TAF2: variants seen among roughly 807,000 people sequenced by gnomAD.
TAF2 encodes TATA-box binding protein associated factor 2.
A neutral mutation model predicts 138.5 loss-of-function variants in TAF2; 61 were observed. That is an observed-to-expected ratio of 0.44 (90% confidence interval 0.36 to 0.54). TAF2 has a LOEUF of 0.54. Among genes scored for constraint, TAF2 ranks in the 20% least tolerant of loss-of-function variants. TAF2 has a pLI of 0.00. For synonymous variants in TAF2, 475 were observed against 469.9 expected, an observed-to-expected ratio of 1.01 and a Z score of -0.14; for missense variants, 1,090 against 1,427.9, an observed-to-expected ratio of 0.76 and a Z score of 3.81.
chr8:119,809,731 C>T (rs538188809), intron 3 of TAF2, among the ~76,000 whole-genome samples: 14 of 152,234 alleles, frequency 9.2e-5, no homozygotes, highest in African/African-American at 2.9e-4. Flanking sequence ...ACAGCTGGTC[C>T]ACAGAGTAGT....
intron 18 of TAF2, among the ~76,000 whole-genome samples, chr8:119,766,417 C>T (rs567115730): frequency 6.6e-6 from 1 of 152,200 alleles, no homozygotes; most frequent in South Asian, 2.1e-4. Flanking sequence ...ATTGAGAAAA[C>T]CTGTTATACA....
chr8:119,809,521 A>C (rs1432160208), intron 3 of TAF2, among the ~76,000 whole-genome samples: 2 of 152,198 alleles, frequency 1.3e-5, no homozygotes, highest in Non-Finnish European at 2.9e-5. Flanking sequence ...AACTTAGCTA[A>C]CTGGGGCCAA....
intron 20 of TAF2, among the ~76,000 whole-genome samples, chr8:119,758,345 G>C (rs1820839220): frequency 6.6e-6 from 1 of 152,040 alleles, no homozygotes; most frequent in African/African-American, 2.4e-5. Flanking sequence ...CTATATATTA[G>C]AGCCAAGACA....
chr8:119,826,664 C>T (rs1011702124), intron 2 of TAF2, among the ~76,000 whole-genome samples: 4 of 151,574 alleles, frequency 2.6e-5, no homozygotes, highest in African/African-American at 9.7e-5. Flanking sequence ...GATTTCGGCT[C>T]GCTGGAACCT....
Position 119,745,257 on chromosome 8 carries a change from C to T in TAF2, c.3109-864G>A, listed in dbSNP as rs77492175. On this transcript the variant is annotated intron_variant, in intron 23 of 25. Coordinates refer to ENST00000378164, the MANE Select transcript of TAF2 (RefSeq NM_003184.4). Reference sequence around the variant, plus strand: ...AACTTTTAGAGGTTTCCCAAAAGAACATGTCCTTTGATGCCATTTTCTCCT... The same window carrying T: ...AACTTTTAGAGGTTTCCCAAAAGAATATGTCCTTTGATGCCATTTTCTCCT... Among the ~76,000 whole-genome samples, 358 of 152,226 alleles carry T rather than the reference C, an allele frequency of 2.4e-3. 1 individual carries two copies. The highest frequency in any genetic ancestry group is 0.014 in the Middle Eastern group (4 of 294).
In TAF2 at chr8:119,730,941, A is replaced by G. The variant is rs1044414372; in HGVS notation, c.*983T>C. ...AAATATTAAAGCACATGGAAAATTC[A>G]GAAATAAAAACACACCACCATATAA... is the stretch of plus-strand genomic sequence containing the variant. On this transcript the variant is annotated 3_prime_UTR_variant, in exon 26 of 26. Coordinates refer to ENST00000378164, the MANE Select transcript of TAF2 (RefSeq NM_003184.4). 1 of 152,222 alleles carries G rather than the reference A, an allele frequency of 6.6e-6. No homozygotes were observed. The highest frequency in any genetic ancestry group is 1.5e-5 in the Non-Finnish European group (1 of 68,030). 9.4% of individuals were successfully genotyped at this position (152,222 alleles called of 1,614,324 possible).
chr8:119,757,313 TA>T (rs1201409932), intron 21 of TAF2, among the ~76,000 whole-genome samples: 2 of 152,182 alleles, frequency 1.3e-5, no homozygotes, highest in Admixed American at 1.3e-4. Flanking sequence ...AGATATGTAA[TA>T]TAAATGGGGA....
chr8:119,760,543 T>TA, intron 20 of TAF2, 56 bp downstream of exon 20: 1 of 1,598,812 alleles, frequency 6.3e-7, no homozygotes, highest in Non-Finnish European at 8.5e-7. Context: ...ACACTGGCTT[T>TA]AAAAAGTAAA....
intron 25 of TAF2, among the ~76,000 whole-genome samples, chr8:119,740,662 C>CAAAAA (rs773347068): frequency 1.1e-3 from 54 of 49,994 alleles, no homozygotes; most frequent in East Asian, 2.1e-3. Flanking sequence ...GAGACTGTCT[C>CAAAAA]AAAAAAAAAA....
At chr8:119,821,320 A>G (rs1361006692) in intron 2 of TAF2, among the ~76,000 whole-genome samples, 2 of 152,072 alleles carry the variant, frequency 1.3e-5, no homozygotes, top group South Asian at 2.1e-4. Flanking sequence ...CTCTCTCCCC[A>G]CCACTTCACA....
At position 119,767,956 on chromosome 8, in the gene TAF2, GA is replaced by G. The variant is rs926224750; in HGVS notation, c.2365-5349del. On this transcript the variant is annotated intron_variant, in intron 18 of 25. Coordinates refer to ENST00000378164, the MANE Select transcript of TAF2 (RefSeq NM_003184.4). Reference sequence around the variant, plus strand: ...CACTGCCACCTCGAGGCCAGGGAGAGAGGGGGAGGCTGAGCACGTTTGCATG... The same window carrying G: ...CACTGCCACCTCGAGGCCAGGGAGAGGGGGGAGGCTGAGCACGTTTGCATG... Among the ~76,000 whole-genome samples, 2 of 152,166 alleles carry G rather than the reference GA, an allele frequency of 1.3e-5. 1 individual carries two copies. Among genetic ancestry groups the G allele is most frequent in the Non-Finnish European group, 2.9e-5 (2 of 68,030 alleles).
At chr8:119,758,416 AAAGC>A (rs1820844511) in intron 20 of TAF2, among the ~76,000 whole-genome samples, 1 of 152,188 alleles carries the variant, frequency 6.6e-6, no homozygotes, top group Admixed American at 6.5e-5. Context: ...AGCATAACAT[AAAGC>A]AAGTTGTAAT....
At chr8:119,784,727 T>C (rs547849759) in intron 15 of TAF2, among the ~76,000 whole-genome samples, 47 of 152,280 alleles carry the variant, frequency 3.1e-4, no homozygotes, top group Admixed American at 9.2e-4. Flanking sequence ...TTTTAAATTG[T>C]TTTGCAAGCA....
intron 25 of TAF2, among the ~76,000 whole-genome samples, chr8:119,736,979 G>GT (rs369247889): frequency 9.9e-5 from 15 of 152,180 alleles, no homozygotes; most frequent in African/African-American, 3.1e-4. Context: ...AAGAAAAGAG[G>GT]TATGAGTTGG....
At chr8:119,831,762 G>GA in intron 1 of TAF2, 31 bp from the exon 2 acceptor site, 1 of 1,394,616 alleles carries the variant, frequency 7.2e-7, no homozygotes, top group Non-Finnish European at 9.8e-7. Context: ...AGAAAATAAG[G>GA]AAAAAATAAT....
At chr8:119,823,969 G>A (rs1825943984) in intron 2 of TAF2, among the ~76,000 whole-genome samples, 3 of 152,190 alleles carry the variant, frequency 2.0e-5, no homozygotes, top group Admixed American at 1.3e-4. Flanking sequence ...CTGCCCTAGA[G>A]ATTTGTGGAA....
intron 2 of TAF2, among the ~76,000 whole-genome samples, chr8:119,820,282 G>A (rs980035088): frequency 6.6e-6 from 1 of 152,050 alleles, no homozygotes; most frequent in Admixed American, 6.6e-5. Flanking sequence ...TAAAACAAGG[G>A]ACAGCATGAA....
rs760901553 is a variant in TAF2 at position 119,832,584 on chromosome 8, T to G, written c.-20A>C. On this transcript the variant is annotated 5_prime_UTR_variant, in exon 1 of 26. Coordinates refer to ENST00000378164, the MANE Select transcript of TAF2 (RefSeq NM_003184.4). ...CGGCATGAAGCGGTCCCGCGGAGCT[T>G]GGCTTCCCGGCTTCCTAGGGGGATA... The G allele has an allele frequency of 6.2e-7, 1 of 1,611,222 alleles. No homozygotes were observed. Among genetic ancestry groups the G allele is most frequent in the South Asian group, 1.1e-5 (1 of 91,020 alleles).
chr8:119,813,176 A>C (rs999639713), intron 3 of TAF2, among the ~76,000 whole-genome samples: 5 of 152,110 alleles, frequency 3.3e-5, no homozygotes, highest in Non-Finnish European at 7.4e-5. Context: ...CGTGGTTTTA[A>C]TTTGTATTTC....
Sources: allele counts gnomAD v4.1 joint callset (sites outside exome capture counted in the v4.1 genomes callset), GRCh38; gene constraint gnomAD v4.1.1; transcripts MANE v1.5; gene names NCBI Gene and HGNC (gene_info 2026-07-23, HGNC 2026-07-21).